The following OR2L13 variants were observed in gnomAD, a reference collection of about 807,000 sequenced individuals.
OR2L13 encodes the protein olfactory receptor 2L13.
In OR2L13, 14 loss-of-function variants were observed where a neutral mutation model predicts 15.3. The ratio of observed to expected loss-of-function variants is 0.91; its 90% CI spans 0.60 to 1.43. The LOEUF is 1.43. Ranked by LOEUF, OR2L13 falls within the 40% of genes most tolerant of loss-of-function variation. OR2L13 has a pLI of 0.00. For synonymous variants in OR2L13, 152 were observed against 142.9 expected, an observed-to-expected ratio of 1.06 and a Z score of -0.45; for missense variants, 367 against 387.9, an observed-to-expected ratio of 0.95 and a Z score of 0.45.
At chr1:247,975,098 G>A in the OR2L13 span, 1 of 359,064 alleles carries the variant, frequency 2.8e-6, no homozygotes, top group Non-Finnish European at 5.5e-6. Flanking sequence ...AATGGCCTGT[G>A]ATCATTATGT....
chr1:248,060,726 A>G, the OR2L13 span: 1 of 1,614,012 alleles, frequency 6.2e-7, no homozygotes, highest in African/African-American at 1.3e-5. Flanking sequence ...TCTTATTAGG[A>G]TTCTTCCCAC....
chr1:248,070,281 G>A, the OR2L13 span, among the ~76,000 whole-genome samples: 2 of 151,974 alleles, frequency 1.3e-5, no homozygotes, highest in Non-Finnish European at 2.9e-5. Flanking sequence ...CTGTCTCTCA[G>A]ACCACAGTGC....
the OR2L13 span, among the ~76,000 whole-genome samples, chr1:248,081,990 A>G: frequency 2.0e-5 from 3 of 152,066 alleles, no homozygotes; most frequent in East Asian, 1.9e-4. Context: ...GCTTTTAGTT[A>G]TTTCCCATTG....
chr1:248,095,607 C>CTTTTTTTTTTT (rs780686820), upstream of OR2L13, among the ~76,000 whole-genome samples: 10,543 of 37,072 alleles, frequency 0.28, 4,445 homozygotes, highest in East Asian at 0.51. Flanking sequence ...AAAGCTGCTG[C>CTTTTTTTTTTT]TTTTTTTTTT....
the OR2L13 span, among the ~76,000 whole-genome samples, chr1:247,941,718 A>G: frequency 6.6e-6 from 1 of 152,190 alleles, no homozygotes; most frequent in African/African-American, 2.4e-5. Flanking sequence ...ATGGACAAGC[A>G]TTGGTACCTA....
the OR2L13 span, among the ~76,000 whole-genome samples, chr1:248,088,640 A>C: frequency 6.6e-6 from 1 of 152,176 alleles, no homozygotes; most frequent in African/African-American, 2.4e-5. Flanking sequence ...TGGCCTACAT[A>C]TTGTAAAAAG....
the OR2L13 span, among the ~76,000 whole-genome samples, chr1:248,080,585 T>C: frequency 6.6e-6 from 1 of 152,222 alleles, no homozygotes; most frequent in African/African-American, 2.4e-5. Flanking sequence ...GCTTCATCCA[T>C]GTCCCTGCAA....
chr1:248,087,983 T>G, the OR2L13 span, among the ~76,000 whole-genome samples: 2 of 152,192 alleles, frequency 1.3e-5, no homozygotes, highest in Admixed American at 1.3e-4. Flanking sequence ...TATTCAACAT[T>G]TCTACATGCT....
the OR2L13 span, among the ~76,000 whole-genome samples, chr1:248,011,357 G>A: frequency 4.6e-5 from 7 of 152,100 alleles, 1 homozygote; most frequent in African/African-American, 1.7e-4. Context: ...GGGTAAACCA[G>A]TCTTTCTCTC....
At chr1:248,036,757 CT>C in the OR2L13 span, among the ~76,000 whole-genome samples, 1 of 152,112 alleles carries the variant, frequency 6.6e-6, no homozygotes, top group African/African-American at 2.4e-5. Flanking sequence ...TTGCTGTTTC[CT>C]TTTTTCCATT....
chr1:248,060,857 A>G, the OR2L13 span: 13 of 1,613,764 alleles, frequency 8.1e-6, no homozygotes, highest in South Asian at 6.6e-5. Flanking sequence ...ACACCCATGT[A>G]TTTCCTACTT....
chr1:248,017,580 A>C, the OR2L13 span, among the ~76,000 whole-genome samples: 58 of 152,220 alleles, frequency 3.8e-4, no homozygotes, highest in Non-Finnish European at 7.6e-4. Flanking sequence ...CCTTATTGGG[A>C]AGTGCTTCCC....
chr1:247,941,541 A>T, the OR2L13 span, among the ~76,000 whole-genome samples: 1 of 152,180 alleles, frequency 6.6e-6, no homozygotes, highest in African/African-American at 2.4e-5. Flanking sequence ...GACATGGAAG[A>T]TGAAAAAAAT....
the OR2L13 span, chr1:248,060,606 C>T: frequency 8.6e-7 from 1 of 1,168,362 alleles, no homozygotes; most frequent in Non-Finnish European, 1.2e-6. Context: ...CAAATGCATT[C>T]CCTGCAGATA....
At chr1:247,980,338 C>A in the OR2L13 span, among the ~76,000 whole-genome samples, 1 of 151,936 alleles carries the variant, frequency 6.6e-6, no homozygotes, top group African/African-American at 2.4e-5. Flanking sequence ...ATTTTAATAC[C>A]TTCTACTTAT....
the OR2L13 span, among the ~76,000 whole-genome samples, chr1:247,987,706 G>A: frequency 6.6e-6 from 1 of 151,970 alleles, no homozygotes. Flanking sequence ...GCTAATGCTT[G>A]ATTTAAGTAT....
chr1:248,027,581 T>C, the OR2L13 span, among the ~76,000 whole-genome samples: 2 of 152,134 alleles, frequency 1.3e-5, no homozygotes, highest in Non-Finnish European at 2.9e-5. Flanking sequence ...TCTCTCTTTG[T>C]CCTCTGTCCC....
the OR2L13 span, among the ~76,000 whole-genome samples, chr1:247,958,013 A>C: frequency 6.7e-6 from 1 of 149,660 alleles, no homozygotes; most frequent in Non-Finnish European, 1.5e-5. Context: ...TTGCTTCTCT[A>C]GTTTTTTTAA....
chr1:247,988,667 T>C, the OR2L13 span, among the ~76,000 whole-genome samples: 1 of 152,052 alleles, frequency 6.6e-6, no homozygotes, highest in Admixed American at 6.6e-5. Context: ...AAATAATATT[T>C]AAGCCTAAAG....
Sources: allele counts gnomAD v4.1 joint callset (sites outside exome capture counted in the v4.1 genomes callset), GRCh38; gene constraint gnomAD v4.1.1; transcripts MANE v1.5; gene names NCBI Gene and HGNC (gene_info 2026-07-23, HGNC 2026-07-21).